MAP1S: variants seen among roughly 807,000 people sequenced by gnomAD.
MAP1S encodes microtubule associated protein 1S, also known as microtubule-associated protein 1S.
MAP1S carries 27 observed loss-of-function variants against 60.9 expected under a neutral mutation model. The observed-to-expected ratio is 0.44, with a 90% CI of 0.33 to 0.61. MAP1S has a LOEUF of 0.61. Among genes scored for constraint, MAP1S ranks in the 20% least tolerant of loss-of-function variants. The pLI is 0.03. For missense variants in MAP1S, 1,608 were observed against 1,486.6 expected (o/e 1.08, Z -1.34); for synonymous variants, 826 against 694.2 (o/e 1.19, Z -2.98).
At chr19:17,723,067 T>G (rs911304050) in intron 2 of MAP1S, among the ~76,000 whole-genome samples, 1 of 151,890 alleles carries the variant, frequency 6.6e-6, no homozygotes, top group Non-Finnish European at 1.5e-5. Flanking sequence ...TACTGATGTT[T>G]AAAACACATA....
At position 17,727,168 on chromosome 19, in the gene MAP1S, G is replaced by A; in HGVS notation, c.1784G>A (p.Ser595Asn). Residue 595 changes from serine (S) to asparagine (N), a missense_variant, in exon 5 of 7, where the codon AGT becomes AAT. By Grantham distance (46) the Ser-to-Asn change is conservative (BLOSUM62 1). Transcript: ENST00000324096. The surrounding 1 kb of genome is among the most constrained non-coding windows in gnomAD (Gnocchi z 4.1). ...CGATGTGGAGAAGCCAGCCCCCCCA[G>A]TGCAGCCTGCGGCTCTCCGGCCTCC... Reference protein sequence around the residue: ...SLRCGEASPPSAACGSPASQL... With the variant: ...SLRCGEASPPNAACGSPASQL... 1.9e-6 allele frequency: 3 copies of A among 1,586,500 alleles called. No individual in the cohort carries two copies. Among genetic ancestry groups the A allele is most frequent in the East Asian group, 2.3e-5 (1 of 43,584 alleles).
rs778126795 is a variant in MAP1S, at chr19:17,727,416, A to G, written c.2032A>G (p.Thr678Ala). The change falls in exon 5 of 7, where the codon ACC (threonine) becomes GCC (alanine). Residue 678 changes from threonine to alanine, a missense_variant. Around this residue, in one of 4 missense-constraint regions of MAP1S, gnomAD observed 1,167 missense variants for 961.4 expected, o/e 1.21. Transcript: ENST00000324096. The surrounding 1 kb of genome is among the most constrained non-coding windows in gnomAD (Gnocchi z 4.1). ...ACCCACAGTGACCACACCCACGGTG[A>G]CCACGCCCTCACTACCCGCAGAGGT... is the stretch of plus-strand genomic sequence containing the variant. ...ASPTVTTPTV[T>A]TPSLPAEVGS... 3 of 1,599,866 alleles carry G rather than the reference A, an allele frequency of 1.9e-6. No individual in the cohort carries two copies. Among genetic ancestry groups the G allele is most frequent in the Non-Finnish European group, 1.7e-6 (2 of 1,174,002 alleles).
rs1180475265 is a variant in MAP1S at position 17,727,597 on chromosome 19, G to T, written c.2213G>T (p.Cys738Phe). 1.9e-6 allele frequency: 3 copies of T among 1,607,284 alleles called. No individual in the cohort carries two copies. Among genetic ancestry groups the T allele is most frequent in the African/African-American group, 1.3e-5 (1 of 74,914 alleles). Residue 738 changes from cysteine to phenylalanine, a missense_variant, in exon 5 of 7, where the codon TGC becomes TTC. By Grantham distance (205) the Cys-to-Phe change is radical (BLOSUM62 -2). This residue lies in a region of MAP1S where 1,167 missense variants were observed against 961.4 expected (regional missense o/e 1.21). Transcript: ENST00000324096. The surrounding 1 kb of genome is among the most constrained non-coding windows in gnomAD (Gnocchi z 4.1). ...GCTTCCCCACACGATGTGGACCTGT[G>T]CCTGGTGTCACCCTGTGAATTTGAG... is the stretch of plus-strand genomic sequence containing the variant. ...RSASPHDVDL[C>F]LVSPCEFEHR...
chr19:17,722,725 G>C (rs1217208592), intron 2 of MAP1S, among the ~76,000 whole-genome samples: 1 of 136,696 alleles, frequency 7.3e-6, no homozygotes, highest in African/African-American at 2.6e-5. Flanking sequence ...CTTCAGCCTG[G>C]GCAATAGAGG....
At chr19:17,721,933 G>A (rs953266486) in intron 2 of MAP1S, among the ~76,000 whole-genome samples, 10 of 152,112 alleles carry the variant, frequency 6.6e-5, no homozygotes, top group African/African-American at 1.9e-4. Flanking sequence ...GCCTGCAGCC[G>A]CCCCCGGCTC....
chr19:17,727,027 T>G lies in MAP1S; in HGVS notation c.1643T>G (p.Val548Gly), dbSNP rs775022856. The change falls in exon 5 of 7, where the codon GTG becomes GGG. Residue 548 changes from valine to glycine, a missense_variant. Val to Gly is a moderately radical substitution (Grantham distance 109). This residue lies in a region of MAP1S where 1,167 missense variants were observed against 961.4 expected (regional missense o/e 1.21). Transcript: ENST00000324096. This position sits in a 1 kb window ranked among gnomAD's most constrained non-coding sequence, Gnocchi z 4.1. ...GAGGTGCGCCGGGCAGCCTCTTCTG[T>G]GCCCAACCTCAAGAAGACGAATGCC... ...PREVRRAASS[V>G]PNLKKTNAQA... The G allele has an allele frequency of 6.2e-7, 1 of 1,601,812 alleles. No homozygotes were observed. Among genetic ancestry groups the G allele is most frequent in the African/African-American group, 1.3e-5 (1 of 74,728 alleles).
chr19:17,721,926 T>A (rs1433387732), intron 2 of MAP1S, among the ~76,000 whole-genome samples: 1 of 152,168 alleles, frequency 6.6e-6, no homozygotes, highest in Non-Finnish European at 1.5e-5. Flanking sequence ...GGGTGTTGCC[T>A]GCAGCCGCCC....
rs1427199181 is a variant in MAP1S at position 17,729,756 on chromosome 19, G to A, written c.2788+1584G>A. On this transcript the variant is annotated intron_variant, in intron 5 of 6. Coordinates refer to ENST00000324096, the MANE Select transcript of MAP1S (RefSeq NM_018174.6). ...GAGCTCACTGCAACCTCTACCTCCC[G>A]GGGTCAAGCGATTCTCCTACCTCAG... Among the ~76,000 whole-genome samples, 11 of 152,148 alleles carry A rather than the reference G, an allele frequency of 7.2e-5. No individual in the cohort carries two copies. The South Asian group carries it at 1.2e-3, about 17-fold the overall frequency.
Position 17,724,293 on chromosome 19 carries a change from T to C in MAP1S, c.303+85T>C, listed in dbSNP as rs2080397760. 2.7e-6 allele frequency: 3 copies of C among 1,115,318 alleles called. No individual in the cohort carries two copies. The East Asian group carries it at 7.5e-5, about 28-fold the overall frequency. 69.1% of individuals were successfully genotyped at this position (1,115,318 alleles called of 1,614,324 possible). On this transcript the variant is annotated intron_variant, in intron 3 of 6. Coordinates refer to ENST00000324096, the MANE Select transcript of MAP1S (RefSeq NM_018174.6). ...TTCCTGTCTCGTGTCCTTGTCTTCA[T>C]GCTGCCCCAGATCCTCTCAAGACAC...
chr19:17,731,506 A>G lies in MAP1S; in HGVS notation c.2789-1687A>G, dbSNP rs945748552. Among the ~76,000 whole-genome samples the G allele has an allele frequency of 4.2e-4, 64 of 152,124 alleles. 1 individual carries two copies. The highest frequency in any genetic ancestry group is 1.5e-3 in the African/African-American group (62 of 41,426). On this transcript the variant is annotated intron_variant, in intron 5 of 6. Coordinates refer to ENST00000324096, the MANE Select transcript of MAP1S (RefSeq NM_018174.6). ...AGTGCCACGCTGTTTTGATTACTGT[A>G]GCTTTGTAGTAAGTTTTGAAATCTG...
chr19:17,725,877 C>G lies in MAP1S; in HGVS notation c.493C>G (p.Leu165Val). 6 of 1,613,692 alleles carry G rather than the reference C, an allele frequency of 3.7e-6. No homozygotes were observed. Among genetic ancestry groups the G allele is most frequent in the East Asian group, 2.2e-5 (1 of 44,870 alleles). The change falls in exon 5 of 7, where the codon CTC becomes GTC. Residue 165 changes from leucine (L) to valine (V), a missense_variant. By Grantham distance (32) the Leu-to-Val change is conservative. Around this residue, in one of 4 missense-constraint regions of MAP1S, gnomAD observed 320 missense variants for 393.1 expected, o/e 0.81. Coordinates refer to ENST00000324096, the MANE Select transcript of MAP1S (RefSeq NM_018174.6). This position sits in a 1 kb window ranked among gnomAD's most constrained non-coding sequence, Gnocchi z 4.2. Reference protein sequence around the residue: ...TTPPPVQPPILTITCPTFGDW... With the variant: ...TTPPPVQPPIVTITCPTFGDW... ...GCCCCCACCTGTGCAGCCGCCCATA[C>G]TCACCATCACCTGCCCCACCTTCGG...
intron 2 of MAP1S, among the ~76,000 whole-genome samples, chr19:17,722,778 G>GGAGA (rs2080382471): frequency 1.4e-5 from 2 of 144,466 alleles, no homozygotes; most frequent in Non-Finnish European, 3.1e-5. Flanking sequence ...AGGGAGGGAG[G>GGAGA]GAGGGAGGGG....
chr19:17,726,654 G>C lies in MAP1S; in HGVS notation c.1270G>C (p.Gly424Arg). Reference sequence around the variant, plus strand: ...GCTGGTGTGGCACCCCGCCGGCCCCGGCGAGAAGGTGGTGCGCGTGCTGTT... The same window carrying C: ...GCTGGTGTGGCACCCCGCCGGCCCCCGCGAGAAGGTGGTGCGCGTGCTGTT... ...ALLVWHPAGP[G>R]EKVVRVLFPG... The change falls in exon 5 of 7, where the codon GGC (glycine) becomes CGC (arginine). Residue 424 changes from glycine to arginine, a missense_variant. Transcript: ENST00000324096. 1.3e-6 allele frequency: 2 copies of C among 1,579,486 alleles called. No homozygotes were observed.
intron 5 of MAP1S, among the ~76,000 whole-genome samples, chr19:17,729,835 G>A (rs1022162577): frequency 6.6e-6 from 1 of 152,046 alleles, no homozygotes; most frequent in African/African-American, 2.4e-5. Context: ...GCTAATTTTT[G>A]TATTTTTAGT....
At chr19:17,724,969 G>C in intron 3 of MAP1S, 80 bp from the exon 4 acceptor site, 1 of 1,579,746 alleles carries the variant, frequency 6.3e-7, no homozygotes, top group Admixed American at 1.7e-5. Flanking sequence ...GTTATGTATC[G>C]ACTCGAGGCT....
At chr19:17,731,885 T>C (rs576303401) in intron 5 of MAP1S, among the ~76,000 whole-genome samples, 1 of 152,368 alleles carries the variant, frequency 6.6e-6, no homozygotes, top group South Asian at 2.1e-4. Flanking sequence ...TAGGCTGGTC[T>C]TGAACTCCTG....
At chr19:17,731,001 C>T (rs2080488977) in intron 5 of MAP1S, among the ~76,000 whole-genome samples, 2 of 151,776 alleles carry the variant, frequency 1.3e-5, no homozygotes, top group African/African-American at 4.8e-5. Flanking sequence ...AGCGATTCTC[C>T]TGCCTCAGCC....
chr19:17,727,882 C>T lies in MAP1S; in HGVS notation c.2498C>T (p.Pro833Leu). Residue 833 changes from proline (P) to leucine (L), a missense_variant, in exon 5 of 7, where the codon CCA (proline) becomes CTA (leucine). Pro to Leu is a moderately conservative substitution (Grantham distance 98, BLOSUM62 -3). Around this residue, in one of 4 missense-constraint regions of MAP1S, gnomAD observed 1,167 missense variants for 961.4 expected, o/e 1.21. Transcript: ENST00000324096. This position sits in a 1 kb window ranked among gnomAD's most constrained non-coding sequence, Gnocchi z 4.1. ...PLPDPLKVPPPLPDPSSICMV... is the reference protein window; with the variant it reads ...PLPDPLKVPPLLPDPSSICMV... Reference sequence around the variant, plus strand: ...CCTGACCCCCTCAAGGTCCCCCCACCACTGCCTGACCCATCCAGCATCTGC... The same window carrying T: ...CCTGACCCCCTCAAGGTCCCCCCACTACTGCCTGACCCATCCAGCATCTGC... The T allele has an allele frequency of 1.9e-6, 3 of 1,613,180 alleles. No homozygotes were observed. The highest frequency in any genetic ancestry group is 2.5e-6 in the Non-Finnish European group (3 of 1,179,762).
At position 17,727,944 on chromosome 19, in the gene MAP1S, C is replaced by T. The variant is rs1351539930; in HGVS notation, c.2560C>T (p.Arg854Trp). The change falls in exon 5 of 7, where the codon CGG (arginine) becomes TGG (tryptophan). Residue 854 changes from arginine to tryptophan, a missense_variant. By Grantham distance (101) the Arg-to-Trp change is moderately radical (BLOSUM62 -3). This residue lies in a region of MAP1S where 1,167 missense variants were observed against 961.4 expected (regional missense o/e 1.21). Transcript: ENST00000324096. The surrounding 1 kb of genome is among the most constrained non-coding windows in gnomAD (Gnocchi z 4.1). ...DPEMLPPKTA[R>W]QTENVSRTRK... ...CGAGATGCTGCCCCCCAAGACAGCA[C>T]GGCAAACGGAGAACGTCAGCCGCAC... is the stretch of plus-strand genomic sequence containing the variant. 5 of 1,607,700 alleles carry T rather than the reference C, an allele frequency of 3.1e-6. No homozygotes were observed. Among genetic ancestry groups the T allele is most frequent in the Admixed American group, 1.7e-5 (1 of 59,714 alleles).
Sources: gnomAD v4.1 joint callset for allele counts (sites outside exome capture counted in the v4.1 genomes callset) on GRCh38, gnomAD v4.1.1 for gene constraint, gnomAD v4.1.1 regional missense constraint, Gnocchi (gnomAD v3.1) non-coding constraint, MANE v1.5 for transcripts, NCBI Gene and HGNC (gene_info 2026-07-23, HGNC 2026-07-21) for gene names.